Variants in GRIK1 observed in about 807,000 individuals in gnomAD.
GRIK1 encodes the protein glutamate receptor ionotropic, kainate 1.
Under a neutral mutation model 105.7 loss-of-function variants are expected in GRIK1, and 69 were observed. The ratio of observed to expected loss-of-function variants is 0.65; its 90% confidence interval spans 0.54 to 0.80. GRIK1 has a LOEUF of 0.80. GRIK1 is among the 30% of genes least tolerant of loss of function. GRIK1 has a pLI of 0.00. For missense variants in GRIK1, 1,109 were observed against 1,167.3 expected (o/e 0.95, Z 0.73); for synonymous variants, 438 against 431.3 (o/e 1.02, Z -0.19).
At chr21:29,545,237 A>G (rs771247064) in intron 16 of GRIK1, among the ~76,000 whole-genome samples, 2 of 152,240 alleles carry the variant, frequency 1.3e-5, no homozygotes, top group African/African-American at 4.8e-5. Flanking sequence ...ATAAGCTTCC[A>G]GTGGGCCTTG....
chr21:29,754,916 T>C (rs1381392409), intron 1 of GRIK1, among the ~76,000 whole-genome samples: 2 of 152,154 alleles, frequency 1.3e-5, no homozygotes, highest in Non-Finnish European at 2.9e-5. Context: ...GTCTCCACAG[T>C]CATGTAGGCC....
intron 1 of GRIK1, among the ~76,000 whole-genome samples, chr21:29,798,155 T>C (rs905715409): frequency 6.6e-6 from 1 of 152,232 alleles, no homozygotes; most frequent in Non-Finnish European, 1.5e-5. Flanking sequence ...CTGTCTTTTA[T>C]AATATACTTG....
At chr21:29,703,258 T>A (rs2064437053) in intron 1 of GRIK1, among the ~76,000 whole-genome samples, 1 of 152,188 alleles carries the variant, frequency 6.6e-6, no homozygotes, top group Non-Finnish European at 1.5e-5. Context: ...ATCTGTGAGG[T>A]CATCCAGGAA....
intron 1 of GRIK1, among the ~76,000 whole-genome samples, chr21:29,928,655 C>T (rs1187218837): frequency 2.6e-5 from 4 of 152,168 alleles, no homozygotes; most frequent in Admixed American, 2.6e-4. Context: ...GGGTAAGCAC[C>T]AGCTAAGTGA....
At chr21:29,544,299 T>C (rs556986885) in intron 16 of GRIK1, among the ~76,000 whole-genome samples, 45 of 152,296 alleles carry the variant, frequency 3.0e-4, no homozygotes, top group Admixed American at 2.7e-3. Context: ...GATTCTTAAT[T>C]TTAAAAAATG....
intron 1 of GRIK1, among the ~76,000 whole-genome samples, chr21:29,844,584 T>C (rs2068067005): frequency 1.3e-5 from 2 of 152,176 alleles, no homozygotes; most frequent in African/African-American, 4.8e-5. Flanking sequence ...TTAAGGAAAA[T>C]ATAACAAAAA....
chr21:29,720,998 G>T (rs1043164059), intron 1 of GRIK1, among the ~76,000 whole-genome samples: 2 of 152,044 alleles, frequency 1.3e-5, no homozygotes, highest in South Asian at 4.2e-4. Context: ...CCCACTCCCA[G>T]ACAGACTTTG....
chr21:29,763,647 G>A (rs1276475423), intron 1 of GRIK1: 1 of 152,238 alleles, frequency 6.6e-6, no homozygotes, highest in African/African-American at 2.4e-5. Context: ...TGATGCTCCA[G>A]TAGAGTGGTC....
At chr21:29,912,708 T>C (rs180787365) in intron 1 of GRIK1, among the ~76,000 whole-genome samples, 12 of 152,200 alleles carry the variant, frequency 7.9e-5, no homozygotes, top group South Asian at 4.1e-4. Context: ...TGATTTTTCA[T>C]TGTAGACTCA....
At chr21:29,688,777 G>A (rs1244757407) in intron 3 of GRIK1, among the ~76,000 whole-genome samples, 1 of 152,124 alleles carries the variant, frequency 6.6e-6, no homozygotes, top group East Asian at 1.9e-4. Context: ...GGAAATTTGC[G>A]TGCGGTCGTG....
chr21:29,899,545 T>A (rs1164579108), intron 1 of GRIK1, among the ~76,000 whole-genome samples: 1 of 152,108 alleles, frequency 6.6e-6, no homozygotes, highest in Non-Finnish European at 1.5e-5. Context: ...CTTTACCTTT[T>A]TTTTTTTTTG....
intron 1 of GRIK1, among the ~76,000 whole-genome samples, chr21:29,819,807 G>A (rs1358349129): frequency 3.3e-5 from 5 of 151,986 alleles, no homozygotes; most frequent in East Asian, 1.9e-4. Context: ...AAGGGATCAA[G>A]TTTCCGTATG....
At chr21:29,543,349 A>G (rs930792343) in intron 16 of GRIK1, among the ~76,000 whole-genome samples, 2 of 152,140 alleles carry the variant, frequency 1.3e-5, no homozygotes, top group African/African-American at 4.8e-5. Context: ...CTGGTCACCT[A>G]TCTGTCCACA....
intron 1 of GRIK1, among the ~76,000 whole-genome samples, chr21:29,838,051 T>C (rs796956569): frequency 2.6e-4 from 39 of 152,340 alleles, no homozygotes; most frequent in African/African-American, 8.9e-4. Flanking sequence ...TTTATCTATA[T>C]GTTTCTAAAT....
chr21:29,697,577 G>A (rs576795645), intron 1 of GRIK1, among the ~76,000 whole-genome samples: 45 of 152,088 alleles, frequency 3.0e-4, no homozygotes, highest in African/African-American at 9.6e-4. Context: ...GGATAAATGC[G>A]AAAAATCTAC....
chr21:29,892,238 G>A (rs945687548), intron 1 of GRIK1, among the ~76,000 whole-genome samples: 2 of 152,140 alleles, frequency 1.3e-5, no homozygotes, highest in African/African-American at 4.8e-5. Context: ...TTGTTGGTTT[G>A]GAAAAGCTAG....
chr21:29,848,779 A>ATATATATTTTTTT lies in GRIK1; in HGVS notation c.118+90603_118+90604insAAAAAAATATATA. Among the ~76,000 whole-genome samples, 4 of 77,864 alleles carry ATATATATTTTTTT rather than the reference A, an allele frequency of 5.1e-5. No individual in the cohort carries two copies. The South Asian group carries it at 1.6e-3, about 31-fold the overall frequency. The allele number at this position is 77,864 out of a possible 152,430, so 51.1% of individuals were successfully genotyped here. A position where few individuals can be genotyped will look rare whatever the true frequency, so the allele number is the denominator to read the frequency against. Reference sequence around the variant, plus strand: ...TGTATATATATATATATATATATATATTTTTTTTTTTTTCCACGATCTTCA... The same window carrying ATATATATTTTTTT: ...TGTATATATATATATATATATATATATATATATTTTTTTTTTTTTTTTTTTTCCACGATCTTCA... On this transcript the variant is annotated intron_variant, in intron 1 of 17. Coordinates refer to ENST00000327783, the MANE Select transcript of GRIK1 (RefSeq NM_001330994.2).
intron 1 of GRIK1, among the ~76,000 whole-genome samples, chr21:29,810,431 G>A (rs1009944529): frequency 6.7e-6 from 1 of 149,846 alleles, no homozygotes; most frequent in African/African-American, 2.5e-5. Flanking sequence ...CCGATAGGTT[G>A]CTCAATGCAG....
At chr21:29,782,223 A>T (rs948681983) in intron 1 of GRIK1, among the ~76,000 whole-genome samples, 1 of 150,900 alleles carries the variant, frequency 6.6e-6, no homozygotes, top group South Asian at 2.1e-4. Context: ...AGCAGCTGGG[A>T]CTGCAGGCGC....
Sources: gnomAD v4.1 joint callset for allele counts (sites outside exome capture counted in the v4.1 genomes callset) on GRCh38, gnomAD v4.1.1 for gene constraint, MANE v1.5 for transcripts, NCBI Gene and HGNC (gene_info 2026-07-23, HGNC 2026-07-21) for gene names.